NBEA: variants seen among roughly 807,000 people sequenced by gnomAD.
NBEA encodes the protein lysosomal-trafficking regulator 2.
In NBEA, 44 loss-of-function variants were observed where a neutral mutation model predicts 343.4. The observed-to-expected ratio is 0.13, with a 90% confidence interval of 0.10 to 0.16. The LOEUF (loss-of-function observed/expected upper bound fraction) is 0.16, where lower values mean the gene tolerates loss of function less well. NBEA is among the 10% of genes least tolerant of loss of function. The pLI, the probability that NBEA is intolerant of heterozygous loss-of-function variation, is 1.00. For missense variants in NBEA, 2,555 were observed against 3,631.3 expected (o/e 0.70, Z 7.62); for synonymous variants, 1,175 against 1,238.7 (o/e 0.95, Z 1.08).
chr13:35,355,147 A>G (rs904981433), intron 38 of NBEA, among the ~76,000 whole-genome samples: 32 of 152,276 alleles, frequency 2.1e-4, no homozygotes, highest in African/African-American at 7.5e-4. Context: ...ATTACCTTGG[A>G]TCACCTTAGT....
At chr13:35,142,148 TG>T (rs2068126994) in intron 17 of NBEA, 120 bp from the exon 18 acceptor site, 1 of 516,732 alleles carries the variant, frequency 1.9e-6, no homozygotes, top group Non-Finnish European at 3.4e-6. Flanking sequence ...TGGAAGTTCA[TG>T]AAAATAATTA....
intron 16 of NBEA, among the ~76,000 whole-genome samples, chr13:35,120,002 C>T (rs957118827): frequency 2.0e-5 from 3 of 152,156 alleles, no homozygotes; most frequent in African/African-American, 7.2e-5. Flanking sequence ...CAATTACTCT[C>T]ACTCTTCTGA....
At chr13:35,446,880 A>G (rs2046076581) in intron 39 of NBEA, among the ~76,000 whole-genome samples, 1 of 152,138 alleles carries the variant, frequency 6.6e-6, no homozygotes, top group Non-Finnish European at 1.5e-5. Context: ...CACAGTCAAT[A>G]TAAATAATAA....
rs1331182517 is a variant in NBEA at position 35,090,827 on chromosome 13, G to A, written c.1572-7470G>A. On this transcript the variant is annotated intron_variant, in intron 10 of 58. Coordinates refer to ENST00000379939, the MANE Select transcript of NBEA (RefSeq NM_001385012.1). ...ACCCTACATGGACAGAATTCACACAGCCACTATTTCACAGCTCTGAAAAGT... is the reference window on the plus strand; with the variant it reads ...ACCCTACATGGACAGAATTCACACAACCACTATTTCACAGCTCTGAAAAGT... Among the ~76,000 whole-genome samples, 8 of 152,084 alleles carry A rather than the reference G, an allele frequency of 5.3e-5. No homozygotes were observed. In the South Asian group the frequency reaches 1.2e-3, roughly 24 times the overall value.
chr13:35,538,380 G>C (rs939051961), intron 41 of NBEA, among the ~76,000 whole-genome samples: 1 of 152,196 alleles, frequency 6.6e-6, no homozygotes, highest in Non-Finnish European at 1.5e-5. Context: ...CATGTGGACA[G>C]TCTGTGGTTA....
intron 44 of NBEA, among the ~76,000 whole-genome samples, chr13:35,564,421 C>T (rs1259252951): frequency 6.6e-6 from 1 of 151,918 alleles, no homozygotes; most frequent in Non-Finnish European, 1.5e-5. Flanking sequence ...CTAAACTCTG[C>T]CATGGACCCA....
rs148211384 is a variant in NBEA at position 34,998,813 on chromosome 13, A to G, written c.295-42120A>G. Among the ~76,000 whole-genome samples the G allele has an allele frequency of 2.5e-3, 386 of 152,260 alleles. 4 individuals are homozygous for G. Among genetic ancestry groups the G allele is most frequent in the African/African-American group, 6.9e-3 (288 of 41,550 alleles). ...GCAATCATCACAGGGTCCTGAGGCG[A>G]CATACATCCTCCTCAGCTTACGAAG... On this transcript the variant is annotated intron_variant, in intron 1 of 58. Transcript: ENST00000379939.
chr13:35,149,020 T>G (rs2152702402), intron 18 of NBEA, among the ~76,000 whole-genome samples: 1 of 152,364 alleles, frequency 6.6e-6, no homozygotes, highest in East Asian at 1.9e-4. Context: ...TGGCTGCTCT[T>G]TAGATTAGTG....
chr13:35,363,404 AG>A (rs1301275674), intron 38 of NBEA, among the ~76,000 whole-genome samples: 3 of 151,882 alleles, frequency 2.0e-5, no homozygotes, highest in Non-Finnish European at 4.4e-5. Context: ...TTTCATTAAA[AG>A]TAAATGTACC....
chr13:35,337,666 A>G (rs538923779), intron 36 of NBEA, among the ~76,000 whole-genome samples: 6 of 152,116 alleles, frequency 3.9e-5, no homozygotes, highest in Non-Finnish European at 8.8e-5. Context: ...TAACAGTAGC[A>G]GGCACATGTT....
chr13:35,030,098 C>G (rs1317625465), intron 1 of NBEA, among the ~76,000 whole-genome samples: 1 of 151,690 alleles, frequency 6.6e-6, no homozygotes, highest in East Asian at 1.9e-4. Flanking sequence ...TTTGACACAT[C>G]TTTTCGAAGA....
chr13:35,063,822 A>G (rs1566229267), intron 8 of NBEA, among the ~76,000 whole-genome samples: 1 of 151,990 alleles, frequency 6.6e-6, no homozygotes. Flanking sequence ...TAAGACTCTA[A>G]AAGGTCAGCT....
intron 25 of NBEA, among the ~76,000 whole-genome samples, chr13:35,170,094 C>T (rs2152721502): frequency 6.6e-6 from 1 of 151,818 alleles, no homozygotes; most frequent in South Asian, 2.1e-4. Flanking sequence ...GTAGTAGCCA[C>T]CTATCCTTTT....
At chr13:35,226,952 C>T (rs568968526) in intron 33 of NBEA, among the ~76,000 whole-genome samples, 9 of 152,042 alleles carry the variant, frequency 5.9e-5, no homozygotes, top group African/African-American at 9.6e-5. Flanking sequence ...ATTTTGTTTA[C>T]GATATAAAGC....
intron 38 of NBEA, among the ~76,000 whole-genome samples, chr13:35,370,245 T>A (rs916145745): frequency 6.6e-6 from 1 of 151,936 alleles, no homozygotes; most frequent in Non-Finnish European, 1.5e-5. Context: ...TGTTTAGAAT[T>A]GTTATTTTCT....
At chr13:35,257,560 AT>A (rs1296282584) in intron 34 of NBEA, among the ~76,000 whole-genome samples, 14 of 152,192 alleles carry the variant, frequency 9.2e-5, no homozygotes, top group Admixed American at 6.5e-4. Flanking sequence ...TTTTACACAA[AT>A]TTGAGCTTAT....
At chr13:35,354,397 T>C (rs574874107) in intron 38 of NBEA, among the ~76,000 whole-genome samples, 29 of 152,194 alleles carry the variant, frequency 1.9e-4, no homozygotes, top group Admixed American at 4.6e-4. Context: ...GTTTGGGTTT[T>C]AATTATTTCC....
chr13:35,622,232 G>T (rs1243705225), intron 48 of NBEA, among the ~76,000 whole-genome samples: 2 of 152,190 alleles, frequency 1.3e-5, no homozygotes, highest in Non-Finnish European at 2.9e-5. Context: ...AAGTGTCTGT[G>T]CTGGGGAAGC....
intron 38 of NBEA, among the ~76,000 whole-genome samples, chr13:35,426,679 T>G (rs1231097361): frequency 6.6e-6 from 1 of 152,178 alleles, no homozygotes; most frequent in Non-Finnish European, 1.5e-5. Flanking sequence ...TTTCCTGAAT[T>G]TGAATGTTGG....
Sources: gnomAD v4.1 joint callset for allele counts (sites outside exome capture counted in the v4.1 genomes callset) on GRCh38, gnomAD v4.1.1 for gene constraint, MANE v1.5 for transcripts, NCBI Gene and HGNC (gene_info 2026-07-23, HGNC 2026-07-21) for gene names.